ALX3: variants seen among roughly 807,000 people sequenced by gnomAD.
ALX3 encodes the protein ALX homeobox 3, also known as homeobox protein aristaless-like 3.
Under a neutral mutation model 26.3 loss-of-function variants are expected in ALX3, and 17 were observed. That is an observed-to-expected ratio of 0.65 (90% confidence interval 0.44 to 0.97). ALX3 has a LOEUF of 0.97. ALX3 is among the 50% of genes least tolerant of loss of function. ALX3 has a pLI of 0.00. For synonymous variants in ALX3, 208 were observed against 201.4 expected, an observed-to-expected ratio of 1.03 and a Z score of -0.28; for missense variants, 461 against 466.5, an observed-to-expected ratio of 0.99 and a Z score of 0.11.
intron 1 of ALX3, among the ~76,000 whole-genome samples, chr1:110,069,553 C>G (rs1653869722): frequency 6.6e-6 from 1 of 152,056 alleles, no homozygotes; most frequent in Admixed American, 6.5e-5. Flanking sequence ...GGCACCGGCC[C>G]GTGAGCCCGC....
At chr1:110,066,593 AC>A (rs1653794090) in intron 1 of ALX3, among the ~76,000 whole-genome samples, 1 of 62,584 alleles carries the variant, frequency 1.6e-5, no homozygotes, top group Non-Finnish European at 3.1e-5. Flanking sequence ...CGCCCCCGCC[AC>A]CCCCACCACA....
intron 3 of ALX3, 55 bp downstream of exon 3, chr1:110,061,380 A>G: frequency 2.5e-6 from 4 of 1,613,792 alleles, no homozygotes; most frequent in Non-Finnish European, 3.4e-6. Context: ...GCCAGACCTC[A>G]TATTCTTTTT....
Position 110,064,670 on chromosome 1 carries a change from CCTT to C in ALX3, c.508_510del (p.Lys170del). On this transcript the variant is annotated inframe_deletion, in exon 2 of 4. Coordinates refer to ENST00000647563, the MANE Select transcript of ALX3 (RefSeq NM_006492.3). ...TCAGGATAGTGGGTTTTCTGGAAGACCTTCTCCAGCTCCTCCAGCTGGAATGTG... is the reference window on the plus strand; with the variant it reads ...TCAGGATAGTGGGTTTTCTGGAAGACCTCCAGCTCCTCCAGCTGGAATGTG... 1.2e-6 allele frequency: 2 copies of C among 1,614,232 alleles called. No individual in the cohort carries two copies. Among genetic ancestry groups the C allele is most frequent in the Non-Finnish European group, 1.7e-6 (2 of 1,180,052 alleles).
chr1:110,061,351 G>A (rs1050733188), intron 3 of ALX3, 84 bp downstream of exon 3: 18 of 1,599,392 alleles, frequency 1.1e-5, no homozygotes, highest in African/African-American at 4.0e-5. Flanking sequence ...GAACGCTGAC[G>A]CTCTCCAGGT....
At chr1:110,067,980 C>A (rs1283862907) in intron 1 of ALX3, among the ~76,000 whole-genome samples, 2 of 149,542 alleles carry the variant, frequency 1.3e-5, no homozygotes, top group Non-Finnish European at 3.0e-5. Context: ...AGTCTCTTGC[C>A]GAGGGCGTGT....
chr1:110,065,455 T>A (rs1393100475), intron 1 of ALX3, among the ~76,000 whole-genome samples: 1 of 152,134 alleles, frequency 6.6e-6, no homozygotes, highest in East Asian at 1.9e-4. Context: ...GAACCCCAGG[T>A]CTCAGGTCAA....
chr1:110,070,303 G>C (rs2274568), intron 1 of ALX3, 33 bp downstream of exon 1: 20 of 1,289,930 alleles, frequency 1.6e-5, no homozygotes, highest in African/African-American at 3.0e-5. Context: ...AGAGAGGGTC[G>C]GGCTGCGCGC....
Position 110,061,013 on chromosome 1 carries a change from C to T in ALX3, c.752G>A (p.Gly251Glu), listed in dbSNP as rs1331109420. ...GCAGGGGCCTCCAGGGCTCCCAGATCCTGGACTGGCCCACAGGGAGTTCTG... is the reference window on the plus strand; with the variant it reads ...GCAGGGGCCTCCAGGGCTCCCAGATTCTGGACTGGCCCACAGGGAGTTCTG... ...QLQNSLWASP[G>E]SGSPGGPCLV... Residue 251 changes from glycine (G) to glutamate (E), a missense_variant, in exon 4 of 4, where the codon GGA (glycine) becomes GAA (glutamate). Around this residue, in one of 3 missense-constraint regions of ALX3, gnomAD observed 169 missense variants for 178.0 expected, o/e 0.95. Transcript: ENST00000647563. 1.8e-5 allele frequency: 29 copies of T among 1,610,508 alleles called. No individual in the cohort carries two copies. The highest frequency in any genetic ancestry group is 2.5e-5 in the Non-Finnish European group (29 of 1,179,008).
chr1:110,063,180 G>C (rs1023233465), intron 2 of ALX3, among the ~76,000 whole-genome samples: 18 of 152,188 alleles, frequency 1.2e-4, no homozygotes, highest in Admixed American at 1.1e-3. Context: ...AGGAGCAGAG[G>C]AAGTGCTCTC....
rs114994947 is a variant in ALX3 at position 110,063,743 on chromosome 1, C to T, written c.594+844G>A. On this transcript the variant is annotated intron_variant, in intron 2 of 3. Transcript: ENST00000647563. ...ATCGGGAAGCCTGCTTTGATCGAGC[C>T]GGTTCAGTGCAAGCCAGTGAATGGC... Among the ~76,000 whole-genome samples, 565 of 151,826 alleles carry T rather than the reference C, an allele frequency of 3.7e-3. 2 individuals carry two copies. The highest frequency in any genetic ancestry group is 0.013 in the African/African-American group (529 of 41,410).
In ALX3 at chr1:110,070,300, G is replaced by A. The variant is rs779608403; in HGVS notation, c.277+36C>T. Reference sequence around the variant, plus strand: ...CCCGGGTAAGGAAGAAGAAGAGAGGGTCGGGCTGCGCGCTACGCCCCGCGC... The same window carrying A: ...CCCGGGTAAGGAAGAAGAAGAGAGGATCGGGCTGCGCGCTACGCCCCGCGC... On this transcript the variant is annotated intron_variant, in intron 1 of 3. Transcript: ENST00000647563. The A allele has an allele frequency of 3.1e-6, 4 of 1,291,154 alleles. No individual in the cohort carries two copies. In the Admixed American group the frequency reaches 9.3e-5, roughly 30 times the overall value. 80.0% of individuals were successfully genotyped at this position (1,291,154 alleles called of 1,614,324 possible).
In ALX3 at chr1:110,060,878, C is replaced by T. The variant is rs962176008; in HGVS notation, c.887G>A (p.Gly296Asp). The change falls in exon 4 of 4, where the codon GGC (glycine) becomes GAC (aspartate). Residue 296 changes from glycine to aspartate, a missense_variant. By Grantham distance (94) the Gly-to-Asp change is moderately conservative. Coordinates refer to ENST00000647563, the MANE Select transcript of ALX3 (RefSeq NM_006492.3). ...GVPAPSAAHPGIYSIHGFPPT... is the reference protein window; with the variant it reads ...GVPAPSAAHPDIYSIHGFPPT... ...GGGAAAGCCATGGATGGAGTAGATG[C>T]CAGGGTGAGCCGCAGAAGGGGCTGG... 8 of 1,613,758 alleles carry T rather than the reference C, an allele frequency of 5.0e-6. No homozygotes were observed. The African/African-American group carries it at 1.1e-4, about 22-fold the overall frequency.
chr1:110,063,652 T>G (rs1326001786), intron 2 of ALX3, among the ~76,000 whole-genome samples: 1 of 151,804 alleles, frequency 6.6e-6, no homozygotes, highest in Non-Finnish European at 1.5e-5. Flanking sequence ...CTCCTCTGCC[T>G]AAGAGGTCAC....
chr1:110,067,788 A>T (rs1366116794), intron 1 of ALX3, among the ~76,000 whole-genome samples: 1 of 152,216 alleles, frequency 6.6e-6, no homozygotes, highest in African/African-American at 2.4e-5. Context: ...ACTCAAAGCC[A>T]GAGTGGACAT....
chr1:110,068,121 C>T (rs1236476037), intron 1 of ALX3, among the ~76,000 whole-genome samples: 1 of 152,226 alleles, frequency 6.6e-6, no homozygotes, highest in Non-Finnish European at 1.5e-5. Context: ...CCTGGGGCTG[C>T]GCGGGCGGCG....
intron 1 of ALX3, among the ~76,000 whole-genome samples, chr1:110,067,177 G>A (rs1178906011): frequency 6.6e-6 from 1 of 152,148 alleles, no homozygotes; most frequent in Admixed American, 6.5e-5. Flanking sequence ...GGATAGAACT[G>A]GGACAAATGG....
At chr1:110,063,004 A>T (rs1358202540) in intron 2 of ALX3, among the ~76,000 whole-genome samples, 1 of 152,084 alleles carries the variant, frequency 6.6e-6, no homozygotes, top group Non-Finnish European at 1.5e-5. Flanking sequence ...TCTGGTGTGT[A>T]GTCTCATTCT....
In ALX3 at chr1:110,064,754, A is replaced by C. The variant is rs769539181; in HGVS notation, c.427T>G (p.Ser143Ala). 8 of 1,614,106 alleles carry C rather than the reference A, an allele frequency of 5.0e-6. No homozygotes were observed. Among genetic ancestry groups the C allele is most frequent in the Non-Finnish European group, 6.8e-6 (8 of 1,180,006 alleles). Residue 143 changes from serine (S) to alanine (A), a missense_variant, in exon 2 of 4, where the codon TCC (serine) becomes GCC (alanine). Around this residue, in one of 3 missense-constraint regions of ALX3, gnomAD observed 241 missense variants for 206.1 expected, o/e 1.17. Transcript: ENST00000647563. The part of the protein sequence containing the change: ...HLPLSPGLPD[S>A]MELAKNKSKK... ...CTCTTGTTCTTGGCCAACTCCATGGAGTCAGGGAGTCCCGGGGAAAGAGGA... is the reference window on the plus strand; with the variant it reads ...CTCTTGTTCTTGGCCAACTCCATGGCGTCAGGGAGTCCCGGGGAAAGAGGA...
chr1:110,067,908 TTGGCGA>T (rs1165176408), intron 1 of ALX3, among the ~76,000 whole-genome samples: 4 of 152,238 alleles, frequency 2.6e-5, no homozygotes, highest in African/African-American at 4.8e-5. Flanking sequence ...CTCCTCGACT[TTGGCGA>T]TCGGCCGGGT....
Sources: allele counts gnomAD v4.1 joint callset (sites outside exome capture counted in the v4.1 genomes callset), GRCh38; gene constraint gnomAD v4.1.1; regional missense constraint gnomAD v4.1.1; transcripts MANE v1.5; gene names NCBI Gene and HGNC (gene_info 2026-07-23, HGNC 2026-07-21).